The following POLRMT variants were observed in gnomAD, a reference collection of about 807,000 sequenced individuals.
POLRMT encodes RNA polymerase mitochondrial.
POLRMT carries 114 observed loss-of-function variants against 132.2 expected under a neutral mutation model. That is an observed-to-expected ratio of 0.86 (90% CI 0.74 to 1.01). POLRMT has a LOEUF of 1.01. Ranked by LOEUF, POLRMT falls within the 50% of genes least tolerant of loss-of-function variation. The probability of loss-of-function intolerance (pLI) is 0.00; values close to 1 mark genes in which losing one functional copy is unlikely to be tolerated. For synonymous variants in POLRMT, 1,020 were observed against 773.4 expected (o/e 1.32, Z -5.29); for missense variants, 2,003 against 1,729.1 (o/e 1.16, Z -2.81).
At chr19:633,192 C>A in intron 1 of POLRMT, 1 of 603,452 alleles carries the variant, frequency 1.7e-6, no homozygotes, top group Non-Finnish European at 2.7e-6. Context: ...GAGCCCTAAA[C>A]ACCACACCTG....
intron 2 of POLRMT, among the ~76,000 whole-genome samples, chr19:632,434 C>A (rs1309545008): frequency 6.6e-6 from 1 of 152,132 alleles, no homozygotes; most frequent in African/African-American, 2.4e-5. Flanking sequence ...TCGCAGTCAT[C>A]CAGTCTCCAT....
At position 623,410 on chromosome 19, in the gene POLRMT, G is replaced by C. The variant is rs563473420; in HGVS notation, c.1290+44C>G. On this transcript the variant is annotated intron_variant, in intron 6 of 20. Transcript: ENST00000588649. ...CCCGTGCGGTGGACACGCGACCCCGGCTCAGCCCCTGCGGCGGACACGGGA... is the reference window on the plus strand; with the variant it reads ...CCCGTGCGGTGGACACGCGACCCCGCCTCAGCCCCTGCGGCGGACACGGGA... 5.0e-6 allele frequency: 8 copies of C among 1,598,846 alleles called. No individual in the cohort carries two copies. The Admixed American group carries it at 1.2e-4, about 24-fold the overall frequency.
At position 621,407 on chromosome 19, in the gene POLRMT, T is replaced by C. The variant is rs1450310039; in HGVS notation, c.2291A>G (p.His764Arg). 1.3e-6 allele frequency: 2 copies of C among 1,519,140 alleles called. No homozygotes were observed. The highest frequency in any genetic ancestry group is 1.8e-6 in the Non-Finnish European group (2 of 1,139,074). The allele number at this position is 1,519,140 out of a possible 1,614,324, so 94.1% of individuals were successfully genotyped here. A position where few individuals can be genotyped will look rare whatever the true frequency, so the allele number is the denominator to read the frequency against. The stretch of plus-strand genomic sequence containing the variant: ...CATCTCCCGGGCCACCTTCTGGCAG[T>C]GCGCCAGCTCACGGCGCAGCTCGGC... ...RKAELRRELA[H>R]CQKVAREMHS... The change falls in exon 10 of 21, where the codon CAC becomes CGC. Residue 764 changes from histidine (H) to arginine (R), a missense_variant. Physicochemically the swap from His to Arg is conservative, Grantham distance 29. Coordinates refer to ENST00000588649, the MANE Select transcript of POLRMT (RefSeq NM_005035.4).
chr19:620,179 A>AC (rs1034120051), intron 11 of POLRMT, 99 bp from the exon 12 acceptor site: 6 of 1,493,074 alleles, frequency 4.0e-6, no homozygotes, highest in African/African-American at 2.8e-5. Flanking sequence ...AGGGCCGTGC[A>AC]CCCCCCAGCC....
rs1568168793 is a variant in POLRMT, at chr19:622,268, G to C, written c.1732C>G (p.Leu578Val). The C allele has an allele frequency of 1.9e-6, 3 of 1,561,740 alleles. No individual in the cohort carries two copies. The East Asian group carries it at 7.2e-5, about 37-fold the overall frequency. ...GCCTGCACCAGCATCTCCGCCAGCA[G>C]CTTGCCCAGCTCCATCTGCACTGGC... ...PLPVQMELGK[L>V]LAEMLVQATQ... Residue 578 changes from leucine (L) to valine (V), a missense_variant, in exon 9 of 21, where the codon CTG becomes GTG. Leu to Val is a conservative substitution (Grantham distance 32). Transcript: ENST00000588649.
chr19:631,345 G>T (rs1985403210), intron 2 of POLRMT, among the ~76,000 whole-genome samples: 1 of 150,170 alleles, frequency 6.7e-6, no homozygotes, highest in Non-Finnish European at 1.5e-5. Flanking sequence ...AAAAGGGGGG[G>T]GGGGACCCAG....
chr19:617,442 G>A lies in POLRMT; in HGVS notation c.3620C>T (p.Thr1207Ile), dbSNP rs1449077523. ...KILEASQLKE[T>I]LQAVPKPGAF... The stretch of plus-strand genomic sequence containing the variant: ...ACCTGGCTTGGGCACCGCCTGCAGT[G>A]TCTCCTTCAGCTGGCTGGCCTCCAA... The change falls in exon 20 of 21, where the codon ACA (threonine) becomes ATA (isoleucine). Residue 1207 changes from threonine to isoleucine, a missense_variant. Thr to Ile is a moderately conservative substitution (Grantham distance 89). Coordinates refer to ENST00000588649, the MANE Select transcript of POLRMT (RefSeq NM_005035.4). 6.2e-6 allele frequency: 10 copies of A among 1,611,854 alleles called. No homozygotes were observed. The highest frequency in any genetic ancestry group is 1.3e-5 in the African/African-American group (1 of 74,848).
chr19:617,865 G>A lies in POLRMT; in HGVS notation c.3423-16C>T. 1.2e-6 allele frequency: 2 copies of A among 1,612,438 alleles called. No homozygotes were observed. The highest frequency in any genetic ancestry group is 1.7e-6 in the Non-Finnish European group (2 of 1,179,504). On this transcript the variant is annotated splice_polypyrimidine_tract_variant and intron_variant, in intron 17 of 20. Transcript: ENST00000588649. ...CAGGCCCTTCCTGTGGCAGAGCGGAGGACTCCTGAAGGGAGGGGAGCTCAC... is the reference window on the plus strand; with the variant it reads ...CAGGCCCTTCCTGTGGCAGAGCGGAAGACTCCTGAAGGGAGGGGAGCTCAC...
rs924920715 is a variant in POLRMT at position 621,517 on chromosome 19, G to C, written c.2181C>G (p.Pro727=). The change falls in exon 10 of 21, where the codon CCC becomes CCG. Residue 727 remains proline, a synonymous_variant. Coordinates refer to ENST00000588649, the MANE Select transcript of POLRMT (RefSeq NM_005035.4). The stretch of plus-strand genomic sequence containing the variant: ...AGGGCGGGGCCGGCACGCCTAGCTG[G>C]GGGCAGCCCTTGGCCTGGAAGAGCT... ...VLQLFQAKGC[P]QLGVPAPPSE... is the part of the protein sequence containing the mutation. 9.4e-6 allele frequency: 13 copies of C among 1,386,890 alleles called. No homozygotes were observed. The African/African-American group carries it at 1.8e-4, about 20-fold the overall frequency. The allele number at this position is 1,386,890 out of a possible 1,614,324, so 85.9% of individuals were successfully genotyped here.
At position 621,729 on chromosome 19, in the gene POLRMT, A is replaced by G. The variant is rs766752077; in HGVS notation, c.1969T>C (p.Ser657Pro). ...AGCAGGAAAGCACCAGAGTGCGGCGATGTCCAGGGCAGCGGGGGGCAAAGC... is the reference window on the plus strand; with the variant it reads ...AGCAGGAAAGCACCAGAGTGCGGCGGTGTCCAGGGCAGCGGGGGGCAAAGC... The part of the protein sequence containing the change: ...PMLCPPLPWT[S>P]PHSGAFLLSP... Residue 657 changes from serine to proline, a missense_variant, in exon 10 of 21, where the codon TCG (serine) becomes CCG (proline). Coordinates refer to ENST00000588649, the MANE Select transcript of POLRMT (RefSeq NM_005035.4). The G allele has an allele frequency of 2.4e-5, 39 of 1,599,094 alleles. No homozygotes were observed. Among genetic ancestry groups the G allele is most frequent in the Non-Finnish European group, 5.1e-6 (6 of 1,178,220 alleles).
At chr19:628,583 T>C (rs1985186752) in intron 3 of POLRMT, among the ~76,000 whole-genome samples, 1 of 152,230 alleles carries the variant, frequency 6.6e-6, no homozygotes, top group African/African-American at 2.4e-5. Context: ...TACCCAAATA[T>C]TAAGAGAAGC....
At chr19:618,851 T>C (rs117015462) in intron 15 of POLRMT, 91 bp from the exon 16 acceptor site, 35,006 of 1,456,096 alleles carry the variant, frequency 0.024, 557 homozygotes, top group South Asian at 0.056. Flanking sequence ...AGTGGCACGC[T>C]AGGATGGTGG....
chr19:620,163 G>A (rs1187052855), intron 11 of POLRMT, 83 bp from the exon 12 acceptor site: 33 of 1,511,772 alleles, frequency 2.2e-5, no homozygotes, highest in Non-Finnish European at 2.8e-5. Flanking sequence ...AGGTCGAGCC[G>A]TTCCTAGGGC....
chr19:618,286 C>G, intron 17 of POLRMT: 2 of 574,258 alleles, frequency 3.5e-6, no homozygotes, highest in Middle Eastern at 4.6e-4. Flanking sequence ...CTCTCCCTGT[C>G]GGGCCACAGG....
intron 1 of POLRMT, 123 bp from the exon 2 acceptor site, chr19:633,061 G>A: frequency 1.4e-6 from 1 of 729,916 alleles, no homozygotes; most frequent in Non-Finnish European, 2.1e-6. Context: ...CTCGGAGCAC[G>A]GGCTTAAGTT....
intron 5 of POLRMT, among the ~76,000 whole-genome samples, chr19:624,195 G>A (rs1984850504): frequency 6.6e-6 from 1 of 152,232 alleles, no homozygotes; most frequent in Non-Finnish European, 1.5e-5. Context: ...GTCACGCTCA[G>A]TGGGAGATGC....
In POLRMT at chr19:622,767, CGTGA is replaced by C. The variant is rs747831988; in HGVS notation, c.1456-19_1456-16del. ...GCCTGCAGGACCTGCGGAAGGCAGC[CGTGA>C]GTGCCTGCCCGCCCCGCCCGGGGAC... On this transcript the variant is annotated splice_polypyrimidine_tract_variant and intron_variant, in intron 7 of 20. Transcript: ENST00000588649. 1 of 1,574,372 alleles carries C rather than the reference CGTGA, an allele frequency of 6.4e-7. No individual in the cohort carries two copies. Among genetic ancestry groups the C allele is most frequent in the South Asian group, 1.2e-5 (1 of 86,552 alleles).
rs1047243183 is a variant in POLRMT at position 630,282 on chromosome 19, C to G, written c.194-114G>C. ...GCAGGTGGCTGAGCTCGCTGGGACC[C>G]AAGGCGTGAATTCCTCATACTTGCC... On this transcript the variant is annotated intron_variant, in intron 2 of 20. Transcript: ENST00000588649. The G allele has an allele frequency of 1.3e-5, 17 of 1,279,142 alleles. No individual in the cohort carries two copies. In the Admixed American group the frequency reaches 3.7e-4, roughly 28 times the overall value. The allele number at this position is 1,279,142 out of a possible 1,614,324, so 79.2% of individuals were successfully genotyped here. A position where few individuals can be genotyped will look rare whatever the true frequency, so the allele number is the denominator to read the frequency against.
rs1401979216 is a variant in POLRMT, at chr19:621,143, T to G, written c.2555A>C (p.Lys852Thr). ...KIHLVNLTGL[K>T]KREPLRKRLA... ...GCGCTTCCGCAGCGGCTCCCGCTTC[T>G]TCAACCCCGTGAGATTGACCAGGTG... Residue 852 changes from lysine to threonine, a missense_variant, in exon 10 of 21, where the codon AAG becomes ACG. Coordinates refer to ENST00000588649, the MANE Select transcript of POLRMT (RefSeq NM_005035.4). 6.2e-7 allele frequency: 1 copy of G among 1,611,056 alleles called. No homozygotes were observed. The highest frequency in any genetic ancestry group is 1.1e-5 in the South Asian group (1 of 91,048).
Sources: gnomAD v4.1 joint callset for allele counts (sites outside exome capture counted in the v4.1 genomes callset) on GRCh38, gnomAD v4.1.1 for gene constraint, MANE v1.5 for transcripts, NCBI Gene and HGNC (gene_info 2026-07-23, HGNC 2026-07-21) for gene names.